BRINP3: variants seen among roughly 807,000 people sequenced by gnomAD.
BRINP3 encodes the protein BMP/retinoic acid inducible neural specific 3.
A neutral mutation model predicts 71.0 loss-of-function variants in BRINP3; 19 were observed. That is an observed-to-expected ratio of 0.27 (90% CI 0.19 to 0.39). The LOEUF is 0.39. Among genes scored for constraint, BRINP3 ranks in the 10% least tolerant of loss-of-function variants. BRINP3 has a pLI of 1.00. For missense variants in BRINP3, 959 were observed against 940.8 expected (o/e 1.02, Z -0.25); for synonymous variants, 380 against 337.7 (o/e 1.13, Z -1.37).
At chr1:190,199,615 A>T (rs573405444) in intron 6 of BRINP3, among the ~76,000 whole-genome samples, 2 of 152,186 alleles carry the variant, frequency 1.3e-5, no homozygotes, top group South Asian at 4.1e-4. Flanking sequence ...TGTGTAGTCT[A>T]AGGTTATTGG....
At chr1:190,116,035 G>A (rs541234896) in intron 7 of BRINP3, among the ~76,000 whole-genome samples, 4 of 151,950 alleles carry the variant, frequency 2.6e-5, no homozygotes, top group African/African-American at 7.2e-5. Flanking sequence ...TATCACTTAC[G>A]ATAGACACAT....
intron 6 of BRINP3, among the ~76,000 whole-genome samples, chr1:190,198,879 A>G (rs1298527130): frequency 6.6e-6 from 1 of 152,064 alleles, no homozygotes; most frequent in African/African-American, 2.4e-5. Flanking sequence ...TCACTTCCAC[A>G]TTTTTTGATA....
rs185042147 is a variant in BRINP3 at position 190,225,712 on chromosome 1, G to A, written c.961+370C>T. On this transcript the variant is annotated intron_variant, in intron 6 of 7. Transcript: ENST00000367462. Reference sequence around the variant, plus strand: ...ACTAATGAGAATCATGTTGAAAAAGGTATAGAACAAATGCTGTCTTCATTT... The same window carrying A: ...ACTAATGAGAATCATGTTGAAAAAGATATAGAACAAATGCTGTCTTCATTT... 2.6e-5 allele frequency among the ~76,000 whole-genome samples: 4 copies of A among 151,938 alleles called. No homozygotes were observed. In the East Asian group the frequency reaches 7.7e-4, roughly 29 times the overall value.
chr1:190,213,428 C>T (rs1656151904), intron 6 of BRINP3, among the ~76,000 whole-genome samples: 1 of 152,038 alleles, frequency 6.6e-6, no homozygotes, highest in African/African-American at 2.4e-5. Flanking sequence ...ACTTGTCTGA[C>T]ATACGACCTC....
intron 5 of BRINP3, among the ~76,000 whole-genome samples, chr1:190,228,404 C>G (rs1657608496): frequency 2.0e-5 from 3 of 151,358 alleles, no homozygotes; most frequent in Admixed American, 2.0e-4. Context: ...CCAAAGAACT[C>G]GCGTACCATT....
chr1:190,163,266 T>C (rs1651178475), intron 6 of BRINP3, among the ~76,000 whole-genome samples: 1 of 152,022 alleles, frequency 6.6e-6, no homozygotes, highest in Non-Finnish European at 1.5e-5. Context: ...CAAAGCTATG[T>C]AAAAAATAAA....
intron 7 of BRINP3, among the ~76,000 whole-genome samples, chr1:190,099,733 G>T (rs574226040): frequency 1.3e-5 from 2 of 152,228 alleles, no homozygotes; most frequent in African/African-American, 2.4e-5. Context: ...CCCACTCAAA[G>T]AAATATTAAA....
At position 190,277,087 on chromosome 1, in the gene BRINP3, T is replaced by TTTTATATATATATATATATATATATA. The variant is rs1290283215; in HGVS notation, c.427+4472_427+4473insTATATATATATATATATATATATAAA. ...TTTGATCCTGAAATAAATTTTGGTTTTATATATATATATATATATATATAT... is the reference window on the plus strand; with the variant it reads ...TTTGATCCTGAAATAAATTTTGGTTTTTTATATATATATATATATATATATATATATATATATATATATATATATAT... On this transcript the variant is annotated intron_variant, in intron 3 of 7. Coordinates refer to ENST00000367462, the MANE Select transcript of BRINP3 (RefSeq NM_199051.3). Among the ~76,000 whole-genome samples the TTTTATATATATATATATATATATATA allele has an allele frequency of 5.6e-4, 20 of 36,028 alleles. 1 individual carries two copies. Among genetic ancestry groups the TTTTATATATATATATATATATATATA allele is most frequent in the South Asian group, 1.9e-3 (1 of 530 alleles). 23.6% of individuals were successfully genotyped at this position (36,028 alleles called of 152,430 possible). A position where few individuals can be genotyped will look rare whatever the true frequency, so the allele number is the denominator to read the frequency against.
intron 7 of BRINP3, among the ~76,000 whole-genome samples, chr1:190,101,012 C>A (rs1236696280): frequency 6.6e-6 from 1 of 152,090 alleles, no homozygotes; most frequent in Non-Finnish European, 1.5e-5. Context: ...CTCCTTTTTG[C>A]TCTCTGTCTT....
intron 2 of BRINP3, chr1:190,362,379 G>GA (rs1669205269): frequency 6.6e-6 from 1 of 152,134 alleles, no homozygotes; most frequent in Admixed American, 6.5e-5. Context: ...GGAATAAAAA[G>GA]AAAACATGTG....
intron 7 of BRINP3, among the ~76,000 whole-genome samples, chr1:190,141,342 A>G (rs1655412582): frequency 6.6e-6 from 1 of 152,000 alleles, no homozygotes; most frequent in Non-Finnish European, 1.5e-5. Flanking sequence ...TCCCAGTAGT[A>G]AAGATAATTT....
rs1030190199 is a variant in BRINP3 at position 190,177,150 on chromosome 1, C to CTT, written c.962-16262_962-16261dup. 3.4e-3 allele frequency among the ~76,000 whole-genome samples: 214 copies of CTT among 63,220 alleles called. 25 individuals carry two copies. Among genetic ancestry groups the CTT allele is most frequent in the African/African-American group, 9.0e-3 (123 of 13,626 alleles). 41.5% of individuals were successfully genotyped at this position (63,220 alleles called of 152,430 possible). A position where few individuals can be genotyped will look rare whatever the true frequency, so the allele number is the denominator to read the frequency against. The stretch of plus-strand genomic sequence containing the variant: ...TGGTTTGTCATGGAAGCACCCACTT[C>CTT]TTTTTTTTTTTTTTTTTTTTTTTTT... On this transcript the variant is annotated intron_variant, in intron 6 of 7. Transcript: ENST00000367462.
chr1:190,292,927 GTCT>G (rs1262248649), intron 2 of BRINP3, among the ~76,000 whole-genome samples: 1 of 151,004 alleles, frequency 6.6e-6, no homozygotes, highest in African/African-American at 2.4e-5. Flanking sequence ...GCTTATATGT[GTCT>G]TCTTCCTTCT....
At chr1:190,160,595 C>T in intron 7 of BRINP3, 73 bp downstream of exon 7, 1 of 1,245,958 alleles carries the variant, frequency 8.0e-7, no homozygotes, top group Non-Finnish European at 1.1e-6. Context: ...AACACACCTG[C>T]ATTCAGAAAA....
At chr1:190,268,557 G>A (rs2102888217) in intron 3 of BRINP3, among the ~76,000 whole-genome samples, 1 of 152,178 alleles carries the variant, frequency 6.6e-6, no homozygotes, top group East Asian at 1.9e-4. Context: ...ATATTAAAAT[G>A]TAAACCTAGA....
At chr1:190,296,645 G>A (rs535662973) in intron 2 of BRINP3, among the ~76,000 whole-genome samples, 7 of 152,114 alleles carry the variant, frequency 4.6e-5, no homozygotes, top group South Asian at 2.1e-4. Flanking sequence ...TGCAGATGAC[G>A]TAATCTTACA....
At chr1:190,418,067 G>A (rs1673123778) in intron 2 of BRINP3, among the ~76,000 whole-genome samples, 1 of 152,150 alleles carries the variant, frequency 6.6e-6, no homozygotes, top group Non-Finnish European at 1.5e-5. Context: ...CTGAGGTTAA[G>A]TATACCTAAT....
intron 7 of BRINP3, among the ~76,000 whole-genome samples, chr1:190,105,217 T>C (rs552390504): frequency 6.6e-6 from 1 of 152,020 alleles, no homozygotes; most frequent in Non-Finnish European, 1.5e-5. Flanking sequence ...CTCTTGGAAA[T>C]ACTTTTGCAC....
intron 7 of BRINP3, among the ~76,000 whole-genome samples, chr1:190,143,651 C>CATGAACACCAGCCCATCAGA (rs1655644355): frequency 6.6e-6 from 1 of 152,112 alleles, no homozygotes; most frequent in South Asian, 2.1e-4. Context: ...ACTAGCACTG[C>CATGAACACCAGCCCATCAGA]ATGAACACCA....
Sources: gnomAD v4.1 joint callset for allele counts (sites outside exome capture counted in the v4.1 genomes callset) on GRCh38, gnomAD v4.1.1 for gene constraint, MANE v1.5 for transcripts, NCBI Gene and HGNC (gene_info 2026-07-23, HGNC 2026-07-21) for gene names.